The following PTPRD variants were observed in gnomAD, a reference collection of about 807,000 sequenced individuals.
PTPRD encodes receptor-type tyrosine-protein phosphatase delta.
In PTPRD, 34 loss-of-function variants were observed where a neutral mutation model predicts 214.5. The observed-to-expected ratio is 0.16, with a 90% CI of 0.12 to 0.21. The LOEUF is 0.21. Ranked by LOEUF, PTPRD falls within the 10% of genes least tolerant of loss-of-function variation. The probability of loss-of-function intolerance (pLI) is 1.00; values close to 1 mark genes in which losing one functional copy is unlikely to be tolerated. For synonymous variants in PTPRD, 1,128 were observed against 845.7 expected (o/e 1.33, Z -5.79); for missense variants, 2,545 against 2,398.7 (o/e 1.06, Z -1.27).
intron 10 of PTPRD, among the ~76,000 whole-genome samples, chr9:9,105,125 A>G (rs1279467879): frequency 6.6e-6 from 1 of 152,190 alleles, no homozygotes; most frequent in Non-Finnish European, 1.5e-5. Flanking sequence ...TTTAGGGATG[A>G]AAGACATCCT....
chr9:8,743,592 C>A (rs1043360295), intron 11 of PTPRD, among the ~76,000 whole-genome samples: 2 of 152,064 alleles, frequency 1.3e-5, no homozygotes, highest in African/African-American at 2.4e-5. Flanking sequence ...ACCTTATACA[C>A]AAATCGACTG....
At chr9:8,945,393 C>T (rs2099057683) in intron 11 of PTPRD, among the ~76,000 whole-genome samples, 1 of 152,070 alleles carries the variant, frequency 6.6e-6, no homozygotes, top group South Asian at 2.1e-4. Flanking sequence ...ACTTGTTCAT[C>T]TTTTCACTTT....
intron 11 of PTPRD, among the ~76,000 whole-genome samples, chr9:8,848,213 G>T (rs943037375): frequency 6.7e-6 from 1 of 149,430 alleles, no homozygotes; most frequent in South Asian, 2.1e-4. Flanking sequence ...GTAAAAAAAT[G>T]TTTTTTTCAA....
intron 35 of PTPRD, among the ~76,000 whole-genome samples, chr9:8,430,438 T>C (rs1159250532): frequency 3.5e-5 from 1 of 28,390 alleles, no homozygotes; most frequent in Non-Finnish European, 6.9e-5. Context: ...GACAGGCTAA[T>C]TTTTTTTTTT....
intron 8 of PTPRD, among the ~76,000 whole-genome samples, chr9:9,440,436 T>TG (rs1196478999): frequency 3.3e-5 from 5 of 152,074 alleles, no homozygotes; most frequent in African/African-American, 9.7e-5. Context: ...ATTTGCATGG[T>TG]GGGAAAAAAG....
intron 9 of PTPRD, among the ~76,000 whole-genome samples, chr9:9,327,749 G>C (rs910736806): frequency 1.3e-5 from 2 of 151,896 alleles, no homozygotes; most frequent in African/African-American, 4.8e-5. Flanking sequence ...ATAATACACG[G>C]TACTATGTTT....
intron 2 of PTPRD, among the ~76,000 whole-genome samples, chr9:10,480,601 T>C (rs1033911561): frequency 1.3e-5 from 2 of 151,866 alleles, no homozygotes; most frequent in Admixed American, 6.6e-5. Context: ...ATTTGAAAAA[T>C]ATTATCTCAA....
chr9:10,024,513 C>G (rs943958888), intron 4 of PTPRD, among the ~76,000 whole-genome samples: 1 of 152,110 alleles, frequency 6.6e-6, no homozygotes, highest in Non-Finnish European at 1.5e-5. Flanking sequence ...TTATATTCAG[C>G]ACTGTAGTCA....
chr9:9,574,029 G>C (rs2087513008), intron 8 of PTPRD, among the ~76,000 whole-genome samples: 1 of 151,654 alleles, frequency 6.6e-6, no homozygotes, highest in African/African-American at 2.4e-5. Context: ...TTATTATAAA[G>C]TAAATCTTTA....
chr9:9,316,215 C>A (rs1317737614), intron 9 of PTPRD, among the ~76,000 whole-genome samples: 1 of 151,874 alleles, frequency 6.6e-6, no homozygotes, highest in Non-Finnish European at 1.5e-5. Context: ...TGATTCTCCA[C>A]CCCTATGTCT....
chr9:10,064,882 G>C (rs911603972), intron 3 of PTPRD, among the ~76,000 whole-genome samples: 1 of 151,912 alleles, frequency 6.6e-6, no homozygotes, highest in East Asian at 1.9e-4. Context: ...CTATTTTATG[G>C]CCTTGGCCAG....
rs554559773 is a variant in PTPRD at position 9,446,801 on chromosome 9, C to T, written c.-236-49319G>A. On this transcript the variant is annotated intron_variant, in intron 8 of 45. Transcript: ENST00000381196. ...TCTAGTATCCCACATCTATAAGGAA[C>T]TTAAACACATTTACAATAAAAAGGA... is the stretch of plus-strand genomic sequence containing the variant. Among the ~76,000 whole-genome samples the T allele has an allele frequency of 1.5e-4, 23 of 152,084 alleles. No individual in the cohort carries two copies. The South Asian group carries it at 3.1e-3, about 21-fold the overall frequency.
intron 5 of PTPRD, among the ~76,000 whole-genome samples, chr9:9,909,787 T>TTG (rs2078664562): frequency 6.6e-6 from 1 of 151,808 alleles, no homozygotes; most frequent in Non-Finnish European, 1.5e-5. Flanking sequence ...TGTTTTTTTT[T>TTG]GTCATGAGCA....
intron 7 of PTPRD, among the ~76,000 whole-genome samples, chr9:9,700,743 T>C (rs1292506312): frequency 6.6e-6 from 1 of 151,714 alleles, no homozygotes; most frequent in Non-Finnish European, 1.5e-5. Flanking sequence ...AATGGTCTTG[T>C]TTTCTGACCC....
chr9:9,978,442 G>C (rs980947193), intron 4 of PTPRD, among the ~76,000 whole-genome samples: 41 of 151,840 alleles, frequency 2.7e-4, no homozygotes, highest in Admixed American at 6.6e-5. Context: ...ATAAGTACTC[G>C]GACTTCATCT....
intron 11 of PTPRD, among the ~76,000 whole-genome samples, chr9:8,881,814 T>G (rs1334888354): frequency 6.6e-6 from 1 of 152,236 alleles, no homozygotes; most frequent in Non-Finnish European, 1.5e-5. Flanking sequence ...GTAGCAGTTT[T>G]GTCATTCCTC....
At chr9:8,911,414 G>GTGTT (rs138915349) in intron 11 of PTPRD, among the ~76,000 whole-genome samples, 9 of 132,152 alleles carry the variant, frequency 6.8e-5, no homozygotes, top group Admixed American at 7.3e-5. Context: ...GTGTGTGTGT[G>GTGTT]TTGTGTGTGT....
chr9:9,658,066 G>A (rs1325536609), intron 7 of PTPRD, among the ~76,000 whole-genome samples: 1 of 152,082 alleles, frequency 6.6e-6, no homozygotes, highest in Non-Finnish European at 1.5e-5. Context: ...CTTTTGCAAA[G>A]TCACAATGAT....
At chr9:10,361,069 T>G (rs535322412) in intron 2 of PTPRD, among the ~76,000 whole-genome samples, 3 of 152,098 alleles carry the variant, frequency 2.0e-5, no homozygotes. Flanking sequence ...GCCACTGCAC[T>G]CCAGCCTGGG....
Sources: gnomAD v4.1 joint callset for allele counts (sites outside exome capture counted in the v4.1 genomes callset) on GRCh38, gnomAD v4.1.1 for gene constraint, MANE v1.5 for transcripts, NCBI Gene and HGNC (gene_info 2026-07-23, HGNC 2026-07-21) for gene names.